Variants in FHIT observed in about 807,000 individuals in gnomAD.
The protein encoded by FHIT is fragile histidine triad diadenosine triphosphatase.
In FHIT, 19 loss-of-function variants were observed where a neutral mutation model predicts 17.9. The ratio of observed to expected loss-of-function variants is 1.06; its 90% confidence interval spans 0.74 to 1.56. The LOEUF (loss-of-function observed/expected upper bound fraction) is 1.56. Ranked by LOEUF, FHIT falls within the 40% of genes most tolerant of loss-of-function variation. The probability of loss-of-function intolerance (pLI) is 0.00; values close to 1 mark genes in which losing one functional copy is unlikely to be tolerated. For missense variants in FHIT, 248 were observed against 189.2 expected (o/e 1.31, Z -1.82); for synonymous variants, 81 against 69.7 (o/e 1.16, Z -0.81).
intron 3 of FHIT, among the ~76,000 whole-genome samples, chr3:60,871,212 T>C (rs1372947430): frequency 6.6e-6 from 1 of 152,144 alleles, no homozygotes; most frequent in Non-Finnish European, 1.5e-5. Context: ...TTATAATAAG[T>C]TACATTAGAA....
At chr3:61,173,374 C>T (rs904152287) in intron 2 of FHIT, among the ~76,000 whole-genome samples, 1 of 152,162 alleles carries the variant, frequency 6.6e-6, no homozygotes, top group Non-Finnish European at 1.5e-5. Context: ...ATTTATTTGA[C>T]AGTCACTGTG....
chr3:59,948,236 A>G (rs112291918), intron 7 of FHIT, among the ~76,000 whole-genome samples: 53 of 152,042 alleles, frequency 3.5e-4, no homozygotes, highest in African/African-American at 7.5e-4. Flanking sequence ...CAGGCGCAGT[A>G]GATCACACAT....
chr3:60,150,314 TG>T (rs1700411186), intron 5 of FHIT, among the ~76,000 whole-genome samples: 1 of 151,966 alleles, frequency 6.6e-6, no homozygotes, highest in African/African-American at 2.4e-5. Context: ...AAGCATTTAA[TG>T]GGATGTTAGG....
intron 5 of FHIT, among the ~76,000 whole-genome samples, chr3:60,205,723 A>T (rs1703140117): frequency 6.6e-6 from 1 of 152,188 alleles, no homozygotes; most frequent in Non-Finnish European, 1.5e-5. Context: ...ACATTTACAT[A>T]TATGAATACG....
At chr3:60,386,065 G>A (rs756905931) in intron 5 of FHIT, among the ~76,000 whole-genome samples, 1 of 152,172 alleles carries the variant, frequency 6.6e-6, no homozygotes, top group Non-Finnish European at 1.5e-5. Context: ...AGAGGAAATT[G>A]AAGCATAAGG....
At chr3:60,606,046 A>T (rs1411746660) in intron 4 of FHIT, among the ~76,000 whole-genome samples, 1 of 152,136 alleles carries the variant, frequency 6.6e-6, no homozygotes, top group Non-Finnish European at 1.5e-5. Context: ...ACTTTTAAGG[A>T]TGCTAAATTC....
At chr3:60,273,119 G>A (rs372934254) in intron 5 of FHIT, among the ~76,000 whole-genome samples, 2 of 152,166 alleles carry the variant, frequency 1.3e-5, no homozygotes, top group East Asian at 3.9e-4. Context: ...TCTATGGTGA[G>A]AAATAATTTG....
At chr3:59,776,966 C>A (rs536956100) in intron 8 of FHIT, among the ~76,000 whole-genome samples, 1 of 152,230 alleles carries the variant, frequency 6.6e-6, no homozygotes, top group East Asian at 1.9e-4. Context: ...GCCCTCCCAC[C>A]ACACATGGAA....
intron 5 of FHIT, among the ~76,000 whole-genome samples, chr3:60,493,633 G>C (rs892772210): frequency 6.6e-6 from 1 of 152,032 alleles, no homozygotes; most frequent in South Asian, 2.1e-4. Context: ...TTTCCAAAAT[G>C]ACATTTTTAG....
chr3:60,552,655 C>G (rs750864151), intron 4 of FHIT, among the ~76,000 whole-genome samples: 1 of 152,148 alleles, frequency 6.6e-6, no homozygotes, highest in Non-Finnish European at 1.5e-5. Context: ...AGTATTTATA[C>G]CTACTCCCTC....
chr3:61,221,836 A>G (rs2039847037), intron 1 of FHIT, among the ~76,000 whole-genome samples: 1 of 152,212 alleles, frequency 6.6e-6, no homozygotes, highest in African/African-American at 2.4e-5. Context: ...GACTTGGGGA[A>G]AGCACCCTTA....
At chr3:59,958,983 T>C (rs141970213) in intron 7 of FHIT, among the ~76,000 whole-genome samples, 32 of 152,308 alleles carry the variant, frequency 2.1e-4, no homozygotes, top group Admixed American at 2.0e-3. Context: ...TGACTGTCAC[T>C]TAAGTAATTA....
chr3:59,757,087 G>C (rs1701257253), intron 8 of FHIT, among the ~76,000 whole-genome samples: 1 of 152,106 alleles, frequency 6.6e-6, no homozygotes, highest in Non-Finnish European at 1.5e-5. Context: ...GACTCTGCTT[G>C]CTCTGAAAAT....
At chr3:60,724,033 C>T (rs1307804772) in intron 4 of FHIT, among the ~76,000 whole-genome samples, 1 of 152,150 alleles carries the variant, frequency 6.6e-6, no homozygotes, top group African/African-American at 2.4e-5. Flanking sequence ...CTAATGTGTA[C>T]AATTCAAGAT....
chr3:60,662,091 T>C (rs188403545), intron 4 of FHIT, among the ~76,000 whole-genome samples: 2 of 152,280 alleles, frequency 1.3e-5, no homozygotes, highest in East Asian at 1.9e-4. Context: ...TTGCTTTTCG[T>C]TTCGTAGTCA....
At chr3:61,125,261 G>A (rs2036574836) in intron 2 of FHIT, among the ~76,000 whole-genome samples, 1 of 152,146 alleles carries the variant, frequency 6.6e-6, no homozygotes, top group Non-Finnish European at 1.5e-5. Flanking sequence ...GAACAAGTTT[G>A]TGTTTTACCT....
At chr3:60,605,205 G>C (rs913523309) in intron 4 of FHIT, among the ~76,000 whole-genome samples, 1 of 152,054 alleles carries the variant, frequency 6.6e-6, no homozygotes, top group Admixed American at 6.6e-5. Context: ...CCACAGCTTT[G>C]GTTTGGTTCA....
chr3:61,190,712 A>C (rs1209354705), intron 2 of FHIT, among the ~76,000 whole-genome samples: 1 of 152,218 alleles, frequency 6.6e-6, no homozygotes, highest in Admixed American at 6.5e-5. Flanking sequence ...CTGGATTAAG[A>C]AAATGTGGCA....
chr3:61,133,950 T>A (rs927707679), intron 2 of FHIT, among the ~76,000 whole-genome samples: 3 of 152,096 alleles, frequency 2.0e-5, no homozygotes, highest in Admixed American at 6.5e-5. Flanking sequence ...TAGCCAGGCG[T>A]GGTGGCAGGC....
Sources: allele counts gnomAD v4.1 joint callset (sites outside exome capture counted in the v4.1 genomes callset), GRCh38; gene constraint gnomAD v4.1.1; transcripts MANE v1.5; gene names NCBI Gene and HGNC (gene_info 2026-07-23, HGNC 2026-07-21).